The following AKR1B15 variants were observed in gnomAD, a reference collection of about 807,000 sequenced individuals.
The protein encoded by AKR1B15 is estradiol 17-beta-dehydrogenase AKR1B15.
A neutral mutation model predicts 38.5 loss-of-function variants in AKR1B15; 49 were observed. The ratio of observed to expected loss-of-function variants is 1.27; its 90% CI spans 1.01 to 1.62. AKR1B15 has a LOEUF of 1.62. Among genes scored for constraint, AKR1B15 ranks in the 40% most tolerant of loss-of-function variants. The pLI is 0.00. For synonymous variants in AKR1B15, 137 were observed against 135.5 expected (o/e 1.01, Z -0.08); for missense variants, 411 against 381.6 (o/e 1.08, Z -0.64).
At chr7:134,562,422 C>A (rs1794422750) in intron 2 of AKR1B15, among the ~76,000 whole-genome samples, 1 of 150,664 alleles carries the variant, frequency 6.6e-6, no homozygotes, top group South Asian at 2.1e-4. Flanking sequence ...TTACAGAGTG[C>A]TGATTGGTCC....
chr7:134,578,079 G>T (rs1426074112), intron 11 of AKR1B15, among the ~76,000 whole-genome samples: 1 of 152,154 alleles, frequency 6.6e-6, no homozygotes. Context: ...AATATCTAGT[G>T]GTCATCTGTG....
At chr7:134,554,363 G>A (rs1794113898) in intron 1 of AKR1B15, among the ~76,000 whole-genome samples, 1 of 152,128 alleles carries the variant, frequency 6.6e-6, no homozygotes, top group Admixed American at 6.5e-5. Context: ...ACAAGCTTCG[G>A]ATCTTCAAGC....
chr7:134,560,161 G>A (rs1204240224), intron 2 of AKR1B15, among the ~76,000 whole-genome samples: 1 of 152,020 alleles, frequency 6.6e-6, no homozygotes, highest in Non-Finnish European at 1.5e-5. Flanking sequence ...CCCTCAAGAG[G>A]TGAAATCTAT....
intron 1 of AKR1B15, among the ~76,000 whole-genome samples, chr7:134,551,271 G>A (rs534937634): frequency 1.3e-5 from 2 of 152,214 alleles, no homozygotes; most frequent in East Asian, 1.9e-4. Context: ...AGGTGGCCCC[G>A]CTCCTCCCAC....
chr7:134,556,126 C>T (rs1794187633), intron 1 of AKR1B15, among the ~76,000 whole-genome samples: 1 of 152,176 alleles, frequency 6.6e-6, no homozygotes, highest in African/African-American at 2.4e-5. Flanking sequence ...GAAAAAATTC[C>T]TGGTCCCATG....
intron 10 of AKR1B15, 75 bp downstream of exon 10, chr7:134,577,121 C>T (rs1394745441): frequency 4.9e-6 from 7 of 1,414,946 alleles, no homozygotes; most frequent in Non-Finnish European, 6.0e-6. Context: ...CTAGGCTTCT[C>T]ACCTCATCCC....
chr7:134,577,934 TG>T, intron 11 of AKR1B15, 148 bp downstream of exon 11: 9 of 810,472 alleles, frequency 1.1e-5, no homozygotes. Flanking sequence ...TTTGGGTACC[TG>T]GGAATCACTG....
intron 5 of AKR1B15, among the ~76,000 whole-genome samples, chr7:134,570,846 A>G (rs1794653261): frequency 1.3e-5 from 2 of 152,148 alleles, no homozygotes; most frequent in South Asian, 4.1e-4. Flanking sequence ...TCTTGCAGTT[A>G]TGTCTGAGAG....
intron 5 of AKR1B15, among the ~76,000 whole-genome samples, chr7:134,570,670 A>G (rs1354918268): frequency 3.9e-5 from 6 of 152,206 alleles, no homozygotes; most frequent in Non-Finnish European, 8.8e-5. Context: ...GCCAGAAAGT[A>G]GTAGCTGCAC....
intron 1 of AKR1B15, among the ~76,000 whole-genome samples, chr7:134,551,908 C>T (rs890440054): frequency 1.3e-5 from 2 of 152,174 alleles, no homozygotes; most frequent in Non-Finnish European, 2.9e-5. Context: ...TGATGATTGA[C>T]GGGGCCAGGG....
intron 3 of AKR1B15, among the ~76,000 whole-genome samples, chr7:134,566,277 A>T (rs183156032): frequency 1.3e-5 from 2 of 152,330 alleles, no homozygotes; most frequent in African/African-American, 4.8e-5. Flanking sequence ...TCTGGGCAAC[A>T]GAGTGAGATC....
chr7:134,562,868 TTC>T (rs886506223), intron 2 of AKR1B15, among the ~76,000 whole-genome samples: 1 of 146,364 alleles, frequency 6.8e-6, no homozygotes, highest in Non-Finnish European at 1.5e-5. Context: ...CTTTCTTTCT[TTC>T]TTTCTTTCTT....
At chr7:134,569,142 C>G (rs574145943) in intron 4 of AKR1B15, among the ~76,000 whole-genome samples, 2 of 152,318 alleles carry the variant, frequency 1.3e-5, no homozygotes, top group East Asian at 3.9e-4. Flanking sequence ...AAACAAATTT[C>G]AAATCTGTGG....
intron 1 of AKR1B15, among the ~76,000 whole-genome samples, chr7:134,552,162 C>T (rs899426474): frequency 1.3e-5 from 2 of 152,182 alleles, no homozygotes; most frequent in Non-Finnish European, 2.9e-5. Flanking sequence ...TCCCAGAGTG[C>T]CCCTTCTCCC....
chr7:134,569,749 C>T, intron 5 of AKR1B15: 1 of 489,910 alleles, frequency 2.0e-6, no homozygotes, highest in Non-Finnish European at 3.7e-6. Context: ...GAACATTTAT[C>T]ACTTCCCCAA....
rs1406116739 is a variant in AKR1B15, at chr7:134,577,885, T to C, written c.992+99T>C. 3.7e-6 allele frequency: 5 copies of C among 1,368,284 alleles called. No individual in the cohort carries two copies. The Admixed American group carries it at 6.1e-5, about 17-fold the overall frequency. The allele number at this position is 1,368,284 out of a possible 1,614,324, so 84.8% of individuals were successfully genotyped here. A position where few individuals can be genotyped will look rare whatever the true frequency, so the allele number is the denominator to read the frequency against. ...TAGAAGGTTGTTGGGACTACTTGTG[T>C]CTTCAAATACTATTTTGGGGCAGTT... On this transcript the variant is annotated intron_variant, in intron 11 of 11. Coordinates refer to ENST00000457545, the MANE Select transcript of AKR1B15 (RefSeq NM_001080538.3).
intron 1 of AKR1B15, among the ~76,000 whole-genome samples, chr7:134,555,408 G>A (rs1266521667): frequency 1.3e-5 from 2 of 151,952 alleles, no homozygotes; most frequent in African/African-American, 4.8e-5. Context: ...CATCATTCTC[G>A]CATCAAAAAG....
At chr7:134,554,759 G>GA (rs1260981400) in intron 1 of AKR1B15, among the ~76,000 whole-genome samples, 1 of 152,150 alleles carries the variant, frequency 6.6e-6, no homozygotes, top group Non-Finnish European at 1.5e-5. Context: ...CACCAAAAAC[G>GA]AAACTGCTAC....
chr7:134,550,750 C>T (rs997192422), intron 1 of AKR1B15, among the ~76,000 whole-genome samples: 1 of 152,182 alleles, frequency 6.6e-6, no homozygotes, highest in Admixed American at 6.5e-5. Flanking sequence ...TTGGAGTCCT[C>T]TCCAGTGTAT....
Sources: allele counts gnomAD v4.1 joint callset (sites outside exome capture counted in the v4.1 genomes callset), GRCh38; gene constraint gnomAD v4.1.1; transcripts MANE v1.5; gene names NCBI Gene and HGNC (gene_info 2026-07-23, HGNC 2026-07-21).